Variants in SORCS2 observed in about 807,000 individuals in gnomAD.
SORCS2 encodes the protein sortilin related VPS10 domain containing receptor 2.
In SORCS2, 100 loss-of-function variants were observed where a neutral mutation model predicts 141.6. The ratio of observed to expected loss-of-function variants is 0.71; its 90% CI spans 0.60 to 0.83. SORCS2 has a LOEUF of 0.83. Among genes scored for constraint, SORCS2 ranks in the 40% least tolerant of loss-of-function variants. The pLI is 0.00. For synonymous variants in SORCS2, 789 were observed against 676.9 expected, an observed-to-expected ratio of 1.17 and a Z score of -2.57; for missense variants, 1,646 against 1,560.2, an observed-to-expected ratio of 1.05 and a Z score of -0.93.
At chr4:7,701,994 A>G (rs76924921) in intron 12 of SORCS2, among the ~76,000 whole-genome samples, 1,921 of 78,632 alleles carry the variant, frequency 0.024, 52 homozygotes, top group East Asian at 0.16. Context: ...CCCGCCCCAC[A>G]TGGCACGAAG....
chr4:7,728,284 C>G (rs1446825360), intron 21 of SORCS2, 66 bp from the exon 22 acceptor site: 2 of 1,241,804 alleles, frequency 1.6e-6, no homozygotes, highest in East Asian at 2.5e-5. Flanking sequence ...CCCCGACCCC[C>G]ACCCTGGAGC....
chr4:7,437,401 C>G (rs903298994), intron 2 of SORCS2, among the ~76,000 whole-genome samples: 2 of 152,202 alleles, frequency 1.3e-5, no homozygotes, highest in Non-Finnish European at 2.9e-5. Context: ...CCTCACGCCC[C>G]CATGTGTTCA....
intron 2 of SORCS2, among the ~76,000 whole-genome samples, chr4:7,428,733 GCACCAGGGTGGGGTC>G (rs1251753019): frequency 3.3e-5 from 5 of 152,190 alleles, no homozygotes; most frequent in South Asian, 4.1e-4. Context: ...GGGCTGGGCT[GCACCAGGGTGGGGTC>G]CACCCGGCTG....
chr4:7,533,447 C>T (rs1711834428), intron 3 of SORCS2, among the ~76,000 whole-genome samples: 1 of 152,236 alleles, frequency 6.6e-6, no homozygotes, highest in African/African-American at 2.4e-5. Context: ...CGCCCCCCAC[C>T]TCCTGGCCCA....
At chr4:7,324,096 C>T (rs1038642278) in intron 1 of SORCS2, among the ~76,000 whole-genome samples, 1 of 152,188 alleles carries the variant, frequency 6.6e-6, no homozygotes, top group Non-Finnish European at 1.5e-5. Context: ...GTGCCCAGAT[C>T]CCACAACCAG....
At chr4:7,224,077 C>T (rs1728865394) in intron 1 of SORCS2, among the ~76,000 whole-genome samples, 1 of 152,096 alleles carries the variant, frequency 6.6e-6, no homozygotes, top group Non-Finnish European at 1.5e-5. Context: ...TGGGGGAAGG[C>T]TGTGTGGCCT....
At chr4:7,348,007 G>T (rs1675409277) in intron 1 of SORCS2, among the ~76,000 whole-genome samples, 2 of 152,224 alleles carry the variant, frequency 1.3e-5, no homozygotes. Context: ...AACAGGCACA[G>T]GCAACCACAA....
At chr4:7,688,055 C>A (rs1339154638) in intron 10 of SORCS2, among the ~76,000 whole-genome samples, 1 of 152,226 alleles carries the variant, frequency 6.6e-6, no homozygotes, top group Non-Finnish European at 1.5e-5. Flanking sequence ...CACCTGGTCG[C>A]ATCTTATCCA....
At chr4:7,463,942 G>A (rs1729463112) in intron 2 of SORCS2, among the ~76,000 whole-genome samples, 1 of 152,224 alleles carries the variant, frequency 6.6e-6, no homozygotes, top group Non-Finnish European at 1.5e-5. Context: ...TCCCCACACT[G>A]ATGAGTCTGG....
intron 5 of SORCS2, among the ~76,000 whole-genome samples, chr4:7,661,218 C>A (rs1481196891): frequency 7.7e-6 from 1 of 129,248 alleles, no homozygotes; most frequent in Admixed American, 8.7e-5. Flanking sequence ...GAAACCCAAC[C>A]CCCTCAGCTC....
chr4:7,327,809 C>CA, intron 1 of SORCS2, among the ~76,000 whole-genome samples: 1 of 152,214 alleles, frequency 6.6e-6, no homozygotes, highest in African/African-American at 2.4e-5. Context: ...GACCGCCCCC[C>CA]CCAACCCCGC....
chr4:7,303,976 G>C (rs1717617613), intron 1 of SORCS2, among the ~76,000 whole-genome samples: 1 of 152,270 alleles, frequency 6.6e-6, no homozygotes, highest in Non-Finnish European at 1.5e-5. Context: ...GATTTTGTGG[G>C]ATCCTCCTAA....
At chr4:7,617,498 A>G (rs1411140225) in intron 3 of SORCS2, among the ~76,000 whole-genome samples, 2 of 152,146 alleles carry the variant, frequency 1.3e-5, no homozygotes, top group African/African-American at 4.8e-5. Context: ...GTCTGACGTC[A>G]AGGAGCTCAC....
At chr4:7,440,745 G>T (rs1577567446) in intron 2 of SORCS2, among the ~76,000 whole-genome samples, 2 of 152,292 alleles carry the variant, frequency 1.3e-5, no homozygotes, top group African/African-American at 4.8e-5. Context: ...GTCTCCTGGG[G>T]GACCCTCCTG....
intron 1 of SORCS2, among the ~76,000 whole-genome samples, chr4:7,280,569 T>G (rs565326949): frequency 6.6e-6 from 1 of 152,202 alleles, no homozygotes; most frequent in African/African-American, 2.4e-5. Context: ...GGCCAGTGTT[T>G]AGACATGATG....
At chr4:7,666,983 T>G (rs1038210866) in intron 7 of SORCS2, 141 bp from the exon 8 acceptor site, 18 of 739,274 alleles carry the variant, frequency 2.4e-5, no homozygotes, top group African/African-American at 5.2e-5. Context: ...AATAGGAGTC[T>G]GTTCATTTCA....
At chr4:7,636,711 C>T (rs1022572739) in intron 3 of SORCS2, among the ~76,000 whole-genome samples, 2 of 152,058 alleles carry the variant, frequency 1.3e-5, no homozygotes, top group African/African-American at 4.8e-5. Context: ...CCAGGCCACC[C>T]CCTCCCTTCC....
intron 3 of SORCS2, among the ~76,000 whole-genome samples, chr4:7,553,095 C>T (rs4591607): frequency 1.6e-4 from 25 of 151,874 alleles, no homozygotes; most frequent in South Asian, 4.2e-4. Context: ...GTGGAGGGGG[C>T]GCTAAGCAGG....
At chr4:7,357,484 C>T (rs905035565) in intron 1 of SORCS2, among the ~76,000 whole-genome samples, 1 of 152,316 alleles carries the variant, frequency 6.6e-6, no homozygotes, top group South Asian at 2.1e-4. Flanking sequence ...GAGATGGAGG[C>T]GTCTGCTAAT....
Sources: allele counts gnomAD v4.1 joint callset (sites outside exome capture counted in the v4.1 genomes callset), GRCh38; gene constraint gnomAD v4.1.1; transcripts MANE v1.5; gene names NCBI Gene and HGNC (gene_info 2026-07-23, HGNC 2026-07-21).